GOLGA3: variants seen among roughly 807,000 people sequenced by gnomAD.
GOLGA3 encodes golgin A3.
In GOLGA3, 75 loss-of-function variants were observed where a neutral mutation model predicts 169.4. That is an observed-to-expected ratio of 0.44 (90% CI 0.37 to 0.54). The LOEUF is 0.54. Ranked by LOEUF, GOLGA3 falls within the 20% of genes least tolerant of loss-of-function variation. The pLI, the probability that GOLGA3 is intolerant of heterozygous loss-of-function variation, is 0.00. For synonymous variants in GOLGA3, 824 were observed against 822.4 expected, an observed-to-expected ratio of 1.00 and a Z score of -0.03; for missense variants, 1,899 against 1,930.0, an observed-to-expected ratio of 0.98 and a Z score of 0.30.
intron 1 of GOLGA3, among the ~76,000 whole-genome samples, chr12:132,823,484 T>C (rs932957503): frequency 3.3e-5 from 5 of 152,202 alleles, no homozygotes; most frequent in Non-Finnish European, 7.3e-5. Context: ...ACAGAAGGTA[T>C]AGACAAGAAG....
At position 132,796,207 on chromosome 12, in the gene GOLGA3, A is replaced by G. The variant is rs1382433124; in HGVS notation, c.2114T>C (p.Leu705Ser). 2.5e-6 allele frequency: 4 copies of G among 1,589,684 alleles called. No homozygotes were observed. Among genetic ancestry groups the G allele is most frequent in the South Asian group, 1.1e-5 (1 of 90,506 alleles). Reference sequence around the variant, plus strand: ...CTCAAGCTGCTGGTCTCGCTGGAGTAAAGTCAACTTCACCTGGAGAAGGAA... The same window carrying G: ...CTCAAGCTGCTGGTCTCGCTGGAGTGAAGTCAACTTCACCTGGAGAAGGAA... ...EQQLEQVKLT[L>S]LQRDQQLEAL... Residue 705 changes from leucine to serine, a missense_variant, in exon 11 of 24, where the codon TTA (leucine) becomes TCA (serine). Leu to Ser is a moderately radical substitution (Grantham distance 145). Transcript: ENST00000450791.
rs2044875140 is a variant in GOLGA3 at position 132,770,976 on chromosome 12, C to G, written c.*2129G>C. 1 of 152,284 alleles carries G rather than the reference C, an allele frequency of 6.6e-6. No homozygotes were observed. Among genetic ancestry groups the G allele is most frequent in the African/African-American group, 2.4e-5 (1 of 41,320 alleles). 9.4% of individuals were successfully genotyped at this position (152,284 alleles called of 1,614,324 possible). Reference sequence around the variant, plus strand: ...AAATTAAAACAAAGGGGTAGTACAGCCAAAATAAATAAGAACGTAAATTGC... The same window carrying G: ...AAATTAAAACAAAGGGGTAGTACAGGCAAAATAAATAAGAACGTAAATTGC... On this transcript the variant is annotated 3_prime_UTR_variant, in exon 24 of 24. Transcript: ENST00000450791.
At chr12:132,775,426 G>T in intron 21 of GOLGA3, 121 bp from the exon 22 acceptor site, 1 of 803,812 alleles carries the variant, frequency 1.2e-6, no homozygotes, top group Non-Finnish European at 1.9e-6. Context: ...TCTAGATGAT[G>T]CCAGTCCAGG....
chr12:132,823,356 G>A (rs571676065), intron 1 of GOLGA3, among the ~76,000 whole-genome samples: 1 of 152,358 alleles, frequency 6.6e-6, no homozygotes, highest in South Asian at 2.1e-4. Context: ...TCATTCTGCA[G>A]AAATGTTGGC....
At chr12:132,784,724 GTGCTCACACCCCACACGCACA>G (rs1274257334) in intron 15 of GOLGA3, among the ~76,000 whole-genome samples, 3 of 149,182 alleles carry the variant, frequency 2.0e-5, no homozygotes, top group Admixed American at 6.7e-5. Flanking sequence ...ACACACACAC[GTGCTCACACCCCACACGCACA>G]TGCTCACACC....
At chr12:132,778,387 C>T (rs971297983) in intron 18 of GOLGA3, among the ~76,000 whole-genome samples, 5 of 152,102 alleles carry the variant, frequency 3.3e-5, no homozygotes, top group Admixed American at 2.0e-4. Flanking sequence ...CTGGCTAACA[C>T]GGGGAAACCC....
At chr12:132,820,091 G>A (rs1950146913) in intron 2 of GOLGA3, among the ~76,000 whole-genome samples, 1 of 151,990 alleles carries the variant, frequency 6.6e-6, no homozygotes, top group Non-Finnish European at 1.5e-5. Context: ...GCAGAAGATC[G>A]CTTGAACCCG....
chr12:132,822,353 G>C, intron 1 of GOLGA3, 42 bp from the exon 2 acceptor site: 3 of 1,108,836 alleles, frequency 2.7e-6, no homozygotes, highest in East Asian at 3.2e-5. Flanking sequence ...AAACTTGTCA[G>C]ATTTCAAGTA....
At chr12:132,807,551 G>A (rs1330045401) in intron 5 of GOLGA3, among the ~76,000 whole-genome samples, 2 of 152,018 alleles carry the variant, frequency 1.3e-5, no homozygotes, top group Non-Finnish European at 2.9e-5. Flanking sequence ...CTATGTAAAC[G>A]GGAGACTGGA....
At chr12:132,795,591 T>A (rs1948790489) in intron 11 of GOLGA3, among the ~76,000 whole-genome samples, 1 of 152,096 alleles carries the variant, frequency 6.6e-6, no homozygotes, top group African/African-American at 2.4e-5. Context: ...CGAAACCCCA[T>A]CTCTACTACA....
chr12:132,808,170 G>A lies in GOLGA3; in HGVS notation c.899C>T (p.Thr300Ile), dbSNP rs1409298910. 6.2e-7 allele frequency: 1 copy of A among 1,612,864 alleles called. No individual in the cohort carries two copies. Among genetic ancestry groups the A allele is most frequent in the African/African-American group, 1.3e-5 (1 of 74,896 alleles). ...SPDTDDRLENTSLAGDSVSEV... is the reference protein window; with the variant it reads ...SPDTDDRLENISLAGDSVSEV... ...AGACACGCTGTCTCCAGCCAGGGAG[G>A]TGTTCTCCAGACGGTCGTCAGTGTC... Residue 300 changes from threonine to isoleucine, a missense_variant, in exon 5 of 24, where the codon ACC (threonine) becomes ATC (isoleucine). Thr to Ile is a moderately conservative substitution (Grantham distance 89). Coordinates refer to ENST00000450791, the MANE Select transcript of GOLGA3 (RefSeq NM_001389683.1).
rs188227011 is a variant in GOLGA3 at position 132,826,074 on chromosome 12, T to A, written c.-184+2729A>T. ...TTCAGGGACGTCCAGATCGGTGACA[T>A]CGTCACAGTGGGCGAGTGCCGGCCT... On this transcript the variant is annotated intron_variant, in intron 1 of 23. Transcript: ENST00000450791. 299 of 1,420,632 alleles carry A rather than the reference T, an allele frequency of 2.1e-4. No homozygotes were observed. The African/African-American group carries it at 4.0e-3, about 19-fold the overall frequency. The allele number at this position is 1,420,632 out of a possible 1,614,324, so 88.0% of individuals were successfully genotyped here. A position where few individuals can be genotyped will look rare whatever the true frequency, so the allele number is the denominator to read the frequency against.
At chr12:132,778,754 G>T (rs1191166679) in intron 18 of GOLGA3, among the ~76,000 whole-genome samples, 1 of 151,872 alleles carries the variant, frequency 6.6e-6, no homozygotes, top group Non-Finnish European at 1.5e-5. Context: ...AATTAGCCAG[G>T]CATGGTGGTG....
chr12:132,808,429 G>A lies in GOLGA3; in HGVS notation c.640C>T (p.Arg214Cys), dbSNP rs766679941. The change falls in exon 5 of 24, where the codon CGC (arginine) becomes TGC (cysteine). Residue 214 changes from arginine (R) to cysteine (C), a missense_variant. Arg to Cys is a radical substitution (Grantham distance 180, BLOSUM62 -3). Transcript: ENST00000450791. ...TTAGGCCCCCGAGGGACACTGGTGC[G>A]CAGGAAGGAATATTCTTTTGTCATA... ...LAMTKEYSFLRTSVPRGPKVG... is the reference protein window; with the variant it reads ...LAMTKEYSFLCTSVPRGPKVG... 3.1e-5 allele frequency: 50 copies of A among 1,613,994 alleles called. No individual in the cohort carries two copies. The highest frequency in any genetic ancestry group is 3.9e-5 in the Non-Finnish European group (46 of 1,180,000).
chr12:132,782,395 C>G lies in GOLGA3; in HGVS notation c.3366G>C (p.Thr1122=), dbSNP rs756998620. 1 of 1,614,204 alleles carries G rather than the reference C, an allele frequency of 6.2e-7. No homozygotes were observed. Among genetic ancestry groups the G allele is most frequent in the South Asian group, 1.1e-5 (1 of 91,082 alleles). Residue 1122 remains threonine (T), a synonymous_variant, in exon 17 of 24, where the codon ACG becomes ACC. Transcript: ENST00000450791. ...LELEHEKGKL[T]GLGQSNAALR... ...GAGCTGCGTTGGACTGACCGAGGCC[C>G]GTAAGCTTCCCTTTCTCGTGCTCTA...
chr12:132,780,668 C>T, intron 18 of GOLGA3, 130 bp downstream of exon 18: 1 of 686,244 alleles, frequency 1.5e-6, no homozygotes, highest in East Asian at 2.5e-5. Context: ...GCCTCCGTCA[C>T]CAACAACTGC....
intron 8 of GOLGA3, among the ~76,000 whole-genome samples, chr12:132,800,756 G>A (rs1949091644): frequency 6.6e-6 from 1 of 151,916 alleles, no homozygotes; most frequent in Non-Finnish European, 1.5e-5. Context: ...CCCAGGAGTT[G>A]GAGGCCAGCC....
chr12:132,774,662 T>C lies in GOLGA3; in HGVS notation c.4144-342A>G, dbSNP rs2045119467. 2.5e-5 allele frequency: 10 copies of C among 398,784 alleles called. No homozygotes were observed. The South Asian group carries it at 3.8e-4, about 15-fold the overall frequency. The allele number at this position is 398,784 out of a possible 1,614,324, so 24.7% of individuals were successfully genotyped here. A position where few individuals can be genotyped will look rare whatever the true frequency, so the allele number is the denominator to read the frequency against. ...CTTGATGTGGAATTTCCGTAAGAAA[T>C]TAAGTAAGTTTTCCAGCTTAGGCTC... On this transcript the variant is annotated intron_variant, in intron 22 of 23. Coordinates refer to ENST00000450791, the MANE Select transcript of GOLGA3 (RefSeq NM_001389683.1).
rs1950241960 is a variant in GOLGA3, at chr12:132,821,991, C to T, written c.133+5G>A. ...ACCAGCACACAGAGGAACCTCACGA[C>T]TTACACTGGACTTTGTCCTGCTGGT... is the stretch of plus-strand genomic sequence containing the variant. On this transcript the variant is annotated splice_donor_5th_base_variant and intron_variant, in intron 2 of 23. Coordinates refer to ENST00000450791, the MANE Select transcript of GOLGA3 (RefSeq NM_001389683.1). 1 of 1,596,488 alleles carries T rather than the reference C, an allele frequency of 6.3e-7. No individual in the cohort carries two copies. The highest frequency in any genetic ancestry group is 8.5e-7 in the Non-Finnish European group (1 of 1,171,968).
Sources: allele counts gnomAD v4.1 joint callset (sites outside exome capture counted in the v4.1 genomes callset), GRCh38; gene constraint gnomAD v4.1.1; transcripts MANE v1.5; gene names NCBI Gene and HGNC (gene_info 2026-07-23, HGNC 2026-07-21).